Variants in THSD4 observed in about 807,000 individuals in gnomAD.
The protein encoded by THSD4 is thrombospondin type-1 domain-containing protein 4.
A neutral mutation model predicts 119.0 loss-of-function variants in THSD4; 69 were observed. The ratio of observed to expected loss-of-function variants is 0.58; its 90% CI spans 0.48 to 0.71. The LOEUF is 0.71. Ranked by LOEUF, THSD4 falls within the 30% of genes least tolerant of loss-of-function variation. THSD4 has a pLI of 0.00. For missense variants in THSD4, 1,393 were observed against 1,391.1 expected (o/e 1.00, Z -0.02); for synonymous variants, 524 against 540.4 (o/e 0.97, Z 0.42).
intron 6 of THSD4, among the ~76,000 whole-genome samples, chr15:71,369,940 TTAG>T (rs2046020618): frequency 6.6e-6 from 1 of 152,212 alleles, no homozygotes; most frequent in Non-Finnish European, 1.5e-5. Context: ...AGGCTATTAC[TTAG>T]TGCCTCAATT....
chr15:71,478,135 C>T (rs1434128296), intron 7 of THSD4, among the ~76,000 whole-genome samples: 1 of 152,080 alleles, frequency 6.6e-6, no homozygotes, highest in African/African-American at 2.4e-5. Flanking sequence ...GGGTCGGCTG[C>T]GTAGGATTAG....
intron 7 of THSD4, among the ~76,000 whole-genome samples, chr15:71,637,534 G>T (rs540927262): frequency 6.6e-6 from 1 of 152,192 alleles, no homozygotes; most frequent in East Asian, 1.9e-4. Flanking sequence ...GCATCCTCAG[G>T]GAAGAAATGC....
intron 6 of THSD4, among the ~76,000 whole-genome samples, chr15:71,337,280 C>T (rs2045500876): frequency 6.6e-6 from 1 of 152,122 alleles, no homozygotes; most frequent in African/African-American, 2.4e-5. Flanking sequence ...GGACATACAG[C>T]ATGTGGTTGC....
At chr15:71,633,170 G>A (rs938050242) in intron 7 of THSD4, among the ~76,000 whole-genome samples, 3 of 151,958 alleles carry the variant, frequency 2.0e-5, no homozygotes, top group Non-Finnish European at 4.4e-5. Flanking sequence ...CCCCACCTGT[G>A]AGAAAGATAC....
chr15:71,630,137 C>T (rs946378875), intron 7 of THSD4, among the ~76,000 whole-genome samples: 1 of 152,114 alleles, frequency 6.6e-6, no homozygotes, highest in African/African-American at 2.4e-5. Flanking sequence ...CTAAAGTCCC[C>T]CAGTAAAAAA....
intron 7 of THSD4, among the ~76,000 whole-genome samples, chr15:71,647,150 G>A (rs1473379856): frequency 6.6e-6 from 1 of 152,224 alleles, no homozygotes; most frequent in African/African-American, 2.4e-5. Flanking sequence ...CAAAGAAGGT[G>A]AAGGATCGGT....
In THSD4 at chr15:71,402,473, T is replaced by A. The variant is rs577407996; in HGVS notation, c.1016-9214T>A. Among the ~76,000 whole-genome samples, 16 of 152,276 alleles carry A rather than the reference T, an allele frequency of 1.1e-4. No homozygotes were observed. The East Asian group carries it at 3.1e-3, about 29-fold the overall frequency. ...TAAAGCAGAGATTTGTGCCCAGTGTTCCTTGGGGCACAACACCTGTGATGG... is the reference window on the plus strand; with the variant it reads ...TAAAGCAGAGATTTGTGCCCAGTGTACCTTGGGGCACAACACCTGTGATGG... On this transcript the variant is annotated intron_variant, in intron 6 of 17. Transcript: ENST00000261862.
At chr15:71,397,719 T>C (rs1258437189) in intron 6 of THSD4, among the ~76,000 whole-genome samples, 1 of 152,244 alleles carries the variant, frequency 6.6e-6, no homozygotes, top group African/African-American at 2.4e-5. Flanking sequence ...AAATCTGAAT[T>C]TGAATCCTGG....
At chr15:71,749,407 G>T (rs1032577093) in intron 14 of THSD4, among the ~76,000 whole-genome samples, 2 of 152,216 alleles carry the variant, frequency 1.3e-5, no homozygotes, top group Non-Finnish European at 2.9e-5. Context: ...CAGAGGGTTT[G>T]CCCAGGGCAG....
chr15:71,469,013 G>A (rs565636983), intron 7 of THSD4, among the ~76,000 whole-genome samples: 1 of 152,198 alleles, frequency 6.6e-6, no homozygotes, highest in African/African-American at 2.4e-5. Context: ...TCTTACTGTG[G>A]AAGAAAGGGA....
intron 1 of THSD4, among the ~76,000 whole-genome samples, chr15:71,105,724 A>G (rs891633579): frequency 2.0e-5 from 3 of 152,160 alleles, no homozygotes; most frequent in Non-Finnish European, 4.4e-5. Context: ...ATTTCATCCT[A>G]TTTTCTGAGT....
At chr15:71,241,453 G>A (rs1035025232) in intron 4 of THSD4, among the ~76,000 whole-genome samples, 5 of 152,094 alleles carry the variant, frequency 3.3e-5, no homozygotes, top group South Asian at 2.1e-4. Context: ...CCCTTACCCC[G>A]CCCTGCATTG....
At chr15:71,713,432 C>A (rs557206739) in intron 8 of THSD4, among the ~76,000 whole-genome samples, 9 of 152,322 alleles carry the variant, frequency 5.9e-5, no homozygotes, top group Admixed American at 5.9e-4. Flanking sequence ...GTTGCTGATT[C>A]TTTCAGCAGC....
At chr15:71,102,491 A>G (rs2040257495) in intron 1 of THSD4, among the ~76,000 whole-genome samples, 1 of 152,074 alleles carries the variant, frequency 6.6e-6, no homozygotes, top group Non-Finnish European at 1.5e-5. Flanking sequence ...TTTTTCATCC[A>G]GTTAATCTGA....
intron 8 of THSD4, among the ~76,000 whole-genome samples, chr15:71,675,292 G>A (rs1230278175): frequency 6.6e-6 from 1 of 152,212 alleles, no homozygotes; most frequent in Admixed American, 6.5e-5. Context: ...AGCAAAGAAA[G>A]TCAGTTTTTC....
At chr15:71,326,874 A>G (rs1338652826) in intron 6 of THSD4, among the ~76,000 whole-genome samples, 1 of 148,124 alleles carries the variant, frequency 6.8e-6, no homozygotes, top group Non-Finnish European at 1.5e-5. Flanking sequence ...CCCTGTCTCT[A>G]AAAAGCAAAC....
At chr15:71,268,326 G>A (rs1245079069) in intron 6 of THSD4, among the ~76,000 whole-genome samples, 11 of 152,158 alleles carry the variant, frequency 7.2e-5, no homozygotes. Flanking sequence ...ACAACTGCAT[G>A]GAAACTGAAC....
intron 6 of THSD4, among the ~76,000 whole-genome samples, chr15:71,332,062 G>T (rs1289269992): frequency 6.6e-6 from 1 of 152,178 alleles, no homozygotes; most frequent in Non-Finnish European, 1.5e-5. Context: ...GTCCTAGATT[G>T]CCAAGGAGGG....
intron 7 of THSD4, among the ~76,000 whole-genome samples, chr15:71,486,969 T>A (rs1030125573): frequency 6.6e-6 from 1 of 152,194 alleles, no homozygotes; most frequent in African/African-American, 2.4e-5. Context: ...CAGAAAGCTT[T>A]TAGCTTTATT....
Sources: allele counts gnomAD v4.1 joint callset (sites outside exome capture counted in the v4.1 genomes callset), GRCh38; gene constraint gnomAD v4.1.1; transcripts MANE v1.5; gene names NCBI Gene and HGNC (gene_info 2026-07-23, HGNC 2026-07-21).